The following TBL1Y variants were observed in gnomAD, a reference collection of about 807,000 sequenced individuals.
TBL1Y encodes the protein transducin beta like 1 Y-linked.
A neutral mutation model predicts 12.0 loss-of-function variants in TBL1Y; 15 were observed. The observed-to-expected ratio is 1.25, with a 90% CI of 0.83 to 1.92. The LOEUF (loss-of-function observed/expected upper bound fraction) is 1.92, where lower values mean the gene tolerates loss of function less well. Among genes scored for constraint, TBL1Y ranks in the 40% most tolerant of loss-of-function variants. The pLI, the probability that TBL1Y is intolerant of heterozygous loss-of-function variation, is 0.00. For synonymous variants in TBL1Y, 53 were observed against 42.6 expected (o/e 1.24, Z -0.95); for missense variants, 148 against 116.7 (o/e 1.27, Z -1.24).
At chrY:6,967,437 T>A (rs2124120545) in intron 2 of TBL1Y, among the ~76,000 whole-genome samples, 2 of 33,047 alleles carry the variant, frequency 6.1e-5, no homozygotes, top group Non-Finnish European at 1.5e-4. Flanking sequence ...TTGCCTAGGC[T>A]GGAGTGCAAT....
intron 2 of TBL1Y, among the ~76,000 whole-genome samples, chrY:6,971,615 C>CGG (rs2012208528): frequency 3.2e-5 from 1 of 31,074 alleles, no homozygotes; most frequent in Non-Finnish European, 7.8e-5. Context: ...AGAGACAGAG[C>CGG]GGGGGAGAGA....
chrY:6,979,223 T>G, intron 3 of TBL1Y, among the ~76,000 whole-genome samples: 1 of 33,673 alleles, frequency 3.0e-5, no homozygotes, highest in Non-Finnish European at 7.3e-5. Context: ...TGAGCCACCG[T>G]GCCCAGTGAA....
intron 8 of TBL1Y, among the ~76,000 whole-genome samples, chrY:7,064,542 G>A (rs2012958022): frequency 3.0e-5 from 1 of 33,610 alleles, no homozygotes; most frequent in Non-Finnish European, 7.3e-5. Context: ...CCTGCCGAGG[G>A]CACTGGGCCC....
intron 2 of TBL1Y, among the ~76,000 whole-genome samples, chrY:6,924,783 G>T (rs2011816050): frequency 6.1e-5 from 2 of 32,903 alleles, no homozygotes; most frequent in Admixed American, 2.8e-4. Context: ...CCTGCCATTT[G>T]GTTCATTTGG....
intron 4 of TBL1Y, among the ~76,000 whole-genome samples, chrY:7,002,779 A>G: frequency 3.0e-5 from 1 of 33,833 alleles, no homozygotes; most frequent in Non-Finnish European, 7.3e-5. Flanking sequence ...CTTTTGCAAC[A>G]TATCTTACAT....
intron 2 of TBL1Y, among the ~76,000 whole-genome samples, chrY:6,967,471 G>A (rs745767786): frequency 6.6e-3 from 214 of 32,228 alleles, no homozygotes; most frequent in Admixed American, 0.016. Flanking sequence ...TGCAACCTCT[G>A]CCTCCTGGGT....
At chrY:7,057,969 C>T (rs2012833196) in intron 7 of TBL1Y, among the ~76,000 whole-genome samples, 1 of 33,861 alleles carries the variant, frequency 3.0e-5, no homozygotes, top group East Asian at 7.8e-4. Flanking sequence ...GACAAAAATC[C>T]TGCAGCTATT....
intron 4 of TBL1Y, among the ~76,000 whole-genome samples, chrY:7,004,027 G>A (rs1603037077): frequency 2.1e-4 from 7 of 33,655 alleles, no homozygotes; most frequent in South Asian, 6.6e-4. Context: ...TTAAAAATGC[G>A]TTTTGTGGTT....
At chrY:7,060,254 A>C in intron 7 of TBL1Y, among the ~76,000 whole-genome samples, 1 of 33,298 alleles carries the variant, frequency 3.0e-5, no homozygotes, top group Non-Finnish European at 7.4e-5. Flanking sequence ...CTTTGCACAT[A>C]AACTGTTTTT....
intron 2 of TBL1Y, among the ~76,000 whole-genome samples, chrY:6,974,367 C>T (rs2012225355): frequency 3.0e-5 from 1 of 33,805 alleles, no homozygotes; most frequent in African/African-American, 1.2e-4. Flanking sequence ...CCATTGTGCC[C>T]GGCCTTCATT....
At chrY:7,031,785 G>C in intron 6 of TBL1Y, among the ~76,000 whole-genome samples, 1 of 33,427 alleles carries the variant, frequency 3.0e-5, no homozygotes, top group African/African-American at 1.2e-4. Flanking sequence ...CTACAGCATG[G>C]ATGACTCTCA....
intron 4 of TBL1Y, among the ~76,000 whole-genome samples, chrY:7,001,121 G>A: frequency 6.2e-5 from 2 of 32,217 alleles, no homozygotes; most frequent in African/African-American, 1.2e-4. Flanking sequence ...GATCCTCTGT[G>A]GGGAACCCTG....
chrY:7,056,952 G>GCAGGTAAGAA (rs2012827171), intron 7 of TBL1Y, among the ~76,000 whole-genome samples: 3 of 33,812 alleles, frequency 8.9e-5, no homozygotes, highest in Non-Finnish European at 2.2e-4. Flanking sequence ...TTTTATCCCT[G>GCAGGTAAGAA]ACTCACGTGG....
intron 16 of TBL1Y, 40 bp from the exon 17 acceptor site, chrY:7,087,227 A>T: frequency 3.3e-6 from 1 of 298,713 alleles, no homozygotes; most frequent in East Asian, 1.2e-4. Context: ...CATGTTGCCC[A>T]GCCTGGTCTT....
At chrY:7,047,093 A>G in intron 7 of TBL1Y, among the ~76,000 whole-genome samples, 1 of 33,259 alleles carries the variant, frequency 3.0e-5, no homozygotes, top group African/African-American at 1.2e-4. Context: ...GCAAGACCAT[A>G]AGCCCAAAGC....
At chrY:6,930,990 G>A in intron 2 of TBL1Y, among the ~76,000 whole-genome samples, 2 of 33,177 alleles carry the variant, frequency 6.0e-5, no homozygotes, top group Non-Finnish European at 1.5e-4. Context: ...CCCACCAGAA[G>A]GAAGAAACTC....
chrY:6,978,946 T>C (rs753234548), intron 3 of TBL1Y, among the ~76,000 whole-genome samples: 4 of 32,208 alleles, frequency 1.2e-4, no homozygotes, highest in Admixed American at 8.7e-4. Context: ...TCATTATTAT[T>C]ATTTTTGAGA....
intron 2 of TBL1Y, among the ~76,000 whole-genome samples, chrY:6,913,176 T>C (rs2011710735): frequency 3.0e-5 from 1 of 32,938 alleles, no homozygotes; most frequent in African/African-American, 1.2e-4. Context: ...TAGTCTTCTT[T>C]TACCCAAGGC....
chrY:7,010,046 A>C (rs2012508992), intron 4 of TBL1Y, among the ~76,000 whole-genome samples: 18 of 31,044 alleles, frequency 5.8e-4, no homozygotes, highest in Non-Finnish European at 7.7e-5. Flanking sequence ...AAAAAAAAAA[A>C]AAACCAACAA....
Sources: allele counts gnomAD v4.1 joint callset (sites outside exome capture counted in the v4.1 genomes callset), GRCh38; gene constraint gnomAD v4.1.1; transcripts MANE v1.5; gene names NCBI Gene and HGNC (gene_info 2026-07-23, HGNC 2026-07-21).